SLC3A2: variants seen among roughly 807,000 people sequenced by gnomAD.
SLC3A2 encodes amino acid transporter heavy chain SLC3A2.
SLC3A2 carries 32 observed loss-of-function variants against 48.5 expected under a neutral mutation model. The ratio of observed to expected loss-of-function variants is 0.66; its 90% CI spans 0.50 to 0.89. SLC3A2 has a LOEUF of 0.89. SLC3A2 is among the 40% of genes least tolerant of loss of function. SLC3A2 has a pLI of 0.00. For synonymous variants in SLC3A2, 277 were observed against 288.8 expected (o/e 0.96, Z 0.41); for missense variants, 587 against 680.7 (o/e 0.86, Z 1.53).
At chr11:62,884,793 T>G (rs1270571505) in intron 5 of SLC3A2, 103 bp downstream of exon 5, 3 of 745,892 alleles carry the variant, frequency 4.0e-6, no homozygotes, top group Non-Finnish European at 6.2e-6. Flanking sequence ...GCATTTTCTT[T>G]ACCTTTATTC....
At chr11:62,869,591 G>T (rs574244066) in intron 1 of SLC3A2, among the ~76,000 whole-genome samples, 21 of 149,322 alleles carry the variant, frequency 1.4e-4, no homozygotes, top group African/African-American at 3.4e-4. Flanking sequence ...ATGATTATTG[G>T]TTTTTTTCGT....
intron 1 of SLC3A2, among the ~76,000 whole-genome samples, chr11:62,874,220 T>A (rs962506701): frequency 6.6e-6 from 1 of 151,956 alleles, no homozygotes; most frequent in Non-Finnish European, 1.5e-5. Context: ...GCCTCAGTGA[T>A]CATTTTAAGG....
At chr11:62,883,969 T>C in intron 3 of SLC3A2, 1 of 456,514 alleles carries the variant, frequency 2.2e-6, no homozygotes, top group South Asian at 1.5e-5. Context: ...GAGCAGTTAT[T>C]GTACTCACAC....
At chr11:62,880,527 CA>C (rs1337179494), upstream of SLC3A2, 4 of 152,994 alleles carry the variant, frequency 2.6e-5, no homozygotes, top group African/African-American at 9.7e-5. Flanking sequence ...AGCCGTGAAC[CA>C]GGGGCAAATG....
intron 1 of SLC3A2, among the ~76,000 whole-genome samples, chr11:62,875,468 A>G (rs2085561507): frequency 6.6e-6 from 1 of 152,188 alleles, no homozygotes; most frequent in African/African-American, 2.4e-5. Context: ...CTTGGAAGGC[A>G]GAGCTTGTAG....
In SLC3A2 at chr11:62,881,371, G is replaced by T. The variant is rs531013682; in HGVS notation, c.348G>T (p.Lys116Asn). Residue 116 changes from lysine to asparagine, a missense_variant, in exon 1 of 9, where the codon AAG (lysine) becomes AAT (asparagine). Coordinates refer to ENST00000338663, the MANE Select transcript of SLC3A2 (RefSeq NM_001013251.3). The surrounding 1 kb of genome is among the most constrained non-coding windows in gnomAD (Gnocchi z 4.0). ...GTTGTCGCGAGCTACCGGCGCAGAA[G>T]TGGTGGCACACGGGCGCCCTCTACC... Reference protein sequence around the residue: ...APRCRELPAQKWWHTGALYRI... With the variant: ...APRCRELPAQNWWHTGALYRI... 3.8e-6 allele frequency: 6 copies of T among 1,597,922 alleles called. No homozygotes were observed. The highest frequency in any genetic ancestry group is 3.4e-6 in the Non-Finnish European group (4 of 1,177,476).
At chr11:62,866,879 T>TC (rs1400249278) in intron 1 of SLC3A2, among the ~76,000 whole-genome samples, 1 of 152,234 alleles carries the variant, frequency 6.6e-6, no homozygotes. Context: ...ATGCTGTGGT[T>TC]CTACCTTTTG....
Position 62,888,780 on chromosome 11 carries a change from A to C in SLC3A2, c.*87A>C. On this transcript the variant is annotated 3_prime_UTR_variant, in exon 9 of 9. Coordinates refer to ENST00000338663, the MANE Select transcript of SLC3A2 (RefSeq NM_001013251.3). The stretch of plus-strand genomic sequence containing the variant: ...TTTTTCTCTTTTTTAAAAACAAACA[A>C]ACAAACTGTTGCAGATTATGAGTGA... 1 of 1,309,006 alleles carries C rather than the reference A, an allele frequency of 7.6e-7. No homozygotes were observed. The highest frequency in any genetic ancestry group is 1.0e-6 in the Non-Finnish European group (1 of 962,424). 81.1% of individuals were successfully genotyped at this position (1,309,006 alleles called of 1,614,324 possible).
intron 1 of SLC3A2, among the ~76,000 whole-genome samples, chr11:62,858,639 GC>G (rs2085364045): frequency 6.6e-6 from 1 of 152,132 alleles, no homozygotes. Flanking sequence ...CGGGGAACCA[GC>G]GTTCAGCATA....
At chr11:62,866,655 CA>C (rs1173284566) in intron 1 of SLC3A2, among the ~76,000 whole-genome samples, 1 of 152,144 alleles carries the variant, frequency 6.6e-6, no homozygotes, top group Admixed American at 6.6e-5. Context: ...CGCAGCCTCC[CA>C]AAGTGCTGAG....
chr11:62,864,535 C>T (rs12577251), intron 1 of SLC3A2, among the ~76,000 whole-genome samples: 1 of 151,944 alleles, frequency 6.6e-6, no homozygotes, highest in Non-Finnish European at 1.5e-5. Context: ...GGCGCGATCT[C>T]GGCTCACTGC....
At chr11:62,864,717 C>T (rs1056090400) in intron 1 of SLC3A2, among the ~76,000 whole-genome samples, 5 of 151,612 alleles carry the variant, frequency 3.3e-5, no homozygotes, top group Non-Finnish European at 5.9e-5. Context: ...CCGCCCGCCT[C>T]GGCCTCCCAA....
rs368464506 is a variant in SLC3A2 at position 62,882,898 on chromosome 11, G to A, written c.599-10G>A. The A allele has an allele frequency of 2.3e-5, 37 of 1,610,798 alleles. No homozygotes were observed. The highest frequency in any genetic ancestry group is 5.5e-5 in the South Asian group (5 of 91,014). ...CTGTCTCATGATTGCGTCTTCCTCC[G>A]TTGTTTTAGGCATCCGTGTCATTCT... On this transcript the variant is annotated splice_polypyrimidine_tract_variant and intron_variant, in intron 2 of 8. Coordinates refer to ENST00000338663, the MANE Select transcript of SLC3A2 (RefSeq NM_001013251.3).
At position 62,881,762 on chromosome 11, in the gene SLC3A2, AT is replaced by A; in HGVS notation, c.425-129del. 9.4e-7 allele frequency: 1 copy of A among 1,062,158 alleles called. No homozygotes were observed. Among genetic ancestry groups the A allele is most frequent in the Admixed American group, 2.6e-5 (1 of 38,538 alleles). The allele number at this position is 1,062,158 out of a possible 1,614,324, so 65.8% of individuals were successfully genotyped here. A position where few individuals can be genotyped will look rare whatever the true frequency, so the allele number is the denominator to read the frequency against. On this transcript the variant is annotated intron_variant, in intron 1 of 8. Coordinates refer to ENST00000338663, the MANE Select transcript of SLC3A2 (RefSeq NM_001013251.3). This position sits in a 1 kb window ranked among gnomAD's most constrained non-coding sequence, Gnocchi z 4.0. ...TACATCAGCTCCTCTGAGTCTCGTG[AT>A]TCAGCCTTGCCTCCCTCTCTCCCCC... is the stretch of plus-strand genomic sequence containing the variant.
chr11:62,880,989 G>T lies in SLC3A2; in HGVS notation c.-35G>T. The T allele has an allele frequency of 1.3e-6, 2 of 1,535,000 alleles. No individual in the cohort carries two copies. The highest frequency in any genetic ancestry group is 1.8e-6 in the Non-Finnish European group (2 of 1,138,994). On this transcript the variant is annotated 5_prime_UTR_variant, in exon 1 of 9. Transcript: ENST00000338663. ...GTAGGGGTTGAGCCACCATCTGACCGCAAGCTGCGTCGTGTCGCCGGTTCT... is the reference window on the plus strand; with the variant it reads ...GTAGGGGTTGAGCCACCATCTGACCTCAAGCTGCGTCGTGTCGCCGGTTCT...
At chr11:62,879,774 A>G (rs2085609333), upstream of SLC3A2, among the ~76,000 whole-genome samples, 1 of 152,240 alleles carries the variant, frequency 6.6e-6, no homozygotes, top group African/African-American at 2.4e-5. Flanking sequence ...CTGTTTAGGA[A>G]CAAGGAGTTC....
intron 1 of SLC3A2, among the ~76,000 whole-genome samples, chr11:62,865,535 AAC>A (rs1426641288): frequency 1.3e-5 from 2 of 149,436 alleles, no homozygotes; most frequent in Non-Finnish European, 3.0e-5. Context: ...CAGCCTGGGC[AAC>A]AGAGCAAGAC....
chr11:62,884,914 C>T (rs1228273943), intron 5 of SLC3A2, among the ~76,000 whole-genome samples: 1 of 138,918 alleles, frequency 7.2e-6, no homozygotes, highest in Non-Finnish European at 1.5e-5. Context: ...TCACTGCAAC[C>T]TCTGCCTCCT....
rs779385454 is a variant in SLC3A2 at position 62,888,525 on chromosome 11, G to A, written c.1422G>A (p.Ser474=). ...VVLNFGDVGL[S]AGLQASDLPA... ...TTAACTTTGGGGATGTGGGCCTCTC[G>A]GCTGGACTGCAGGCCTCCGACCTGC... The change falls in exon 9 of 9, where the codon TCG becomes TCA. Residue 474 remains serine, a synonymous_variant. Transcript: ENST00000338663. The A allele has an allele frequency of 8.7e-6, 14 of 1,614,100 alleles. No homozygotes were observed. The highest frequency in any genetic ancestry group is 4.4e-5 in the South Asian group (4 of 91,080).
Sources: gnomAD v4.1 joint callset for allele counts (sites outside exome capture counted in the v4.1 genomes callset) on GRCh38, gnomAD v4.1.1 for gene constraint, Gnocchi (gnomAD v3.1) non-coding constraint, MANE v1.5 for transcripts, NCBI Gene and HGNC (gene_info 2026-07-23, HGNC 2026-07-21) for gene names.